Variants in DNM3 observed in about 807,000 individuals in gnomAD.
The protein encoded by DNM3 is dynamin 3.
In DNM3, 47 loss-of-function variants were observed where a neutral mutation model predicts 101.6. That is an observed-to-expected ratio of 0.46 (90% CI 0.37 to 0.59). The LOEUF is 0.59. DNM3 is among the 20% of genes least tolerant of loss of function. DNM3 has a pLI of 0.00. For missense variants in DNM3, 849 were observed against 1,085.7 expected (o/e 0.78, Z 3.06); for synonymous variants, 385 against 387.9 (o/e 0.99, Z 0.09).
chr1:172,113,963 T>C (rs2055702510), intron 13 of DNM3, among the ~76,000 whole-genome samples: 1 of 152,178 alleles, frequency 6.6e-6, no homozygotes, highest in Non-Finnish European at 1.5e-5. Flanking sequence ...ATTGAATCGA[T>C]GCCAGACACT....
chr1:172,169,771 T>G (rs2058881852), intron 14 of DNM3, among the ~76,000 whole-genome samples: 1 of 151,836 alleles, frequency 6.6e-6, no homozygotes, highest in Non-Finnish European at 1.5e-5. Context: ...ACTGGCTGAG[T>G]GATGTCAGGC....
At chr1:171,923,287 T>C (rs1338514825) in intron 2 of DNM3, among the ~76,000 whole-genome samples, 7 of 152,242 alleles carry the variant, frequency 4.6e-5, no homozygotes, top group Admixed American at 4.6e-4. Context: ...TCTTTTCATG[T>C]GCTTAATGAT....
chr1:171,873,817 G>A (rs2035516784), intron 1 of DNM3, among the ~76,000 whole-genome samples: 1 of 152,120 alleles, frequency 6.6e-6, no homozygotes, highest in Non-Finnish European at 1.5e-5. Flanking sequence ...AATAAAATAA[G>A]TATCCCTGAT....
intron 2 of DNM3, among the ~76,000 whole-genome samples, chr1:171,953,149 G>A (rs988207767): frequency 6.6e-6 from 1 of 152,184 alleles, no homozygotes; most frequent in African/African-American, 2.4e-5. Flanking sequence ...TAACATCTAT[G>A]CCCTCACACT....
intron 14 of DNM3, among the ~76,000 whole-genome samples, chr1:172,198,187 G>A (rs2060023894): frequency 1.3e-5 from 2 of 151,892 alleles, no homozygotes; most frequent in Non-Finnish European, 2.9e-5. Context: ...GTCTAGTTTT[G>A]TTTATGTGGT....
intron 14 of DNM3, among the ~76,000 whole-genome samples, chr1:172,136,089 T>G (rs1027517123): frequency 6.6e-6 from 1 of 152,134 alleles, no homozygotes; most frequent in Non-Finnish European, 1.5e-5. Context: ...CTTATACTAT[T>G]GAGGAAAACC....
rs372172703 is a variant in DNM3 at position 172,391,811 on chromosome 1, C to T, written c.2522+3002C>T. ...ATGACAAGACAGCACAAAAGGTGTC[C>T]CGCCAGCTCCCTGTTGGGCTTTAAT... On this transcript the variant is annotated intron_variant, in intron 20 of 20. Transcript: ENST00000627582. Among the ~76,000 whole-genome samples the T allele has an allele frequency of 3.8e-4, 58 of 152,252 alleles. 2 individuals carry two copies. The East Asian group carries it at 7.3e-3, about 19-fold the overall frequency.
At chr1:172,010,073 A>G (rs2047008253) in intron 4 of DNM3, among the ~76,000 whole-genome samples, 1 of 151,914 alleles carries the variant, frequency 6.6e-6, no homozygotes, top group Non-Finnish European at 1.5e-5. Flanking sequence ...CATTCAATGT[A>G]ATTATCAATA....
chr1:171,917,050 G>A (rs1181452535), intron 1 of DNM3, among the ~76,000 whole-genome samples: 1 of 152,122 alleles, frequency 6.6e-6, no homozygotes, highest in Non-Finnish European at 1.5e-5. Context: ...CATAGTACCT[G>A]TTATGCTTAT....
chr1:172,094,853 G>T (rs1303040570), intron 13 of DNM3, among the ~76,000 whole-genome samples: 1 of 152,172 alleles, frequency 6.6e-6, no homozygotes, highest in East Asian at 1.9e-4. Flanking sequence ...TGATATAAAG[G>T]ATTTACCTGT....
intron 2 of DNM3, among the ~76,000 whole-genome samples, chr1:171,971,971 T>C (rs2044027729): frequency 6.6e-6 from 1 of 152,168 alleles, no homozygotes; most frequent in Non-Finnish European, 1.5e-5. Context: ...TGGTTCATAC[T>C]GAACGAGGAA....
intron 14 of DNM3, among the ~76,000 whole-genome samples, chr1:172,245,694 G>C (rs927236701): frequency 6.6e-6 from 1 of 152,208 alleles, no homozygotes; most frequent in Non-Finnish European, 1.5e-5. Flanking sequence ...TCCATGTAGA[G>C]CACCTGAAGA....
At chr1:172,373,490 A>C (rs909095560) in intron 17 of DNM3, among the ~76,000 whole-genome samples, 3 of 152,120 alleles carry the variant, frequency 2.0e-5, no homozygotes, top group African/African-American at 7.2e-5. Flanking sequence ...ACAAAATTTA[A>C]AATAATACAG....
intron 17 of DNM3, among the ~76,000 whole-genome samples, chr1:172,369,449 A>C (rs955659180): frequency 2.6e-5 from 4 of 152,002 alleles, no homozygotes; most frequent in African/African-American, 7.2e-5. Flanking sequence ...AACTCTCAAT[A>C]AATTAGAAGG....
intron 13 of DNM3, among the ~76,000 whole-genome samples, chr1:172,100,907 A>G (rs1265792984): frequency 6.6e-6 from 1 of 152,218 alleles, no homozygotes; most frequent in Non-Finnish European, 1.5e-5. Flanking sequence ...AGCAGAAATA[A>G]GAGTCTTTCT....
chr1:172,151,451 T>C (rs2058123942), intron 14 of DNM3, among the ~76,000 whole-genome samples: 1 of 152,164 alleles, frequency 6.6e-6, no homozygotes, highest in Non-Finnish European at 1.5e-5. Context: ...TCATTTTTGT[T>C]TGGGGAACAC....
chr1:172,297,015 T>C (rs1235752066), intron 15 of DNM3, among the ~76,000 whole-genome samples: 1 of 152,014 alleles, frequency 6.6e-6, no homozygotes, highest in East Asian at 1.9e-4. Context: ...TTGTGGCATG[T>C]TCCTGTAATC....
chr1:172,106,614 C>CA (rs1401667869), intron 13 of DNM3, among the ~76,000 whole-genome samples: 3 of 151,628 alleles, frequency 2.0e-5, no homozygotes, highest in African/African-American at 4.9e-5. Flanking sequence ...AAGAAATTTT[C>CA]AAAAAAAGTA....
chr1:171,900,479 A>G (rs1047909246), intron 1 of DNM3, among the ~76,000 whole-genome samples: 1 of 152,210 alleles, frequency 6.6e-6, no homozygotes, highest in Non-Finnish European at 1.5e-5. Flanking sequence ...GCGAGGAGAC[A>G]GAGGTCAGCA....
Sources: allele counts gnomAD v4.1 joint callset (sites outside exome capture counted in the v4.1 genomes callset), GRCh38; gene constraint gnomAD v4.1.1; transcripts MANE v1.5; gene names NCBI Gene and HGNC (gene_info 2026-07-23, HGNC 2026-07-21).